The following PDE4D variants were observed in gnomAD, a reference collection of about 807,000 sequenced individuals.
PDE4D encodes the protein 3',5'-cyclic-AMP phosphodiesterase 4D.
Under a neutral mutation model 87.4 loss-of-function variants are expected in PDE4D, and 24 were observed. That is an observed-to-expected ratio of 0.27 (90% CI 0.20 to 0.39). The LOEUF (loss-of-function observed/expected upper bound fraction) is 0.39, where lower values mean the gene tolerates loss of function less well. PDE4D is among the 10% of genes least tolerant of loss of function. The probability of loss-of-function intolerance (pLI) is 1.00; values close to 1 mark genes in which losing one functional copy is unlikely to be tolerated. For missense variants in PDE4D, 714 were observed against 1,041.0 expected (o/e 0.69, Z 4.32); for synonymous variants, 384 against 383.2 (o/e 1.00, Z -0.02).
intron 1 of PDE4D, among the ~76,000 whole-genome samples, chr5:59,697,219 G>A (rs1236076959): frequency 6.6e-6 from 1 of 152,100 alleles, no homozygotes; most frequent in Non-Finnish European, 1.5e-5. Flanking sequence ...CTAAGTACTA[G>A]GCACTAGAGG....
intron 1 of PDE4D, among the ~76,000 whole-genome samples, chr5:59,464,378 G>A (rs1428263766): frequency 8.5e-5 from 13 of 152,246 alleles, no homozygotes; most frequent in Non-Finnish European, 1.3e-4. Flanking sequence ...AAGGCTGGAG[G>A]TGGGACATGC....
At chr5:59,951,625 C>T (rs977757662) in intron 3 of PDE4D, among the ~76,000 whole-genome samples, 1 of 152,148 alleles carries the variant, frequency 6.6e-6, no homozygotes, top group African/African-American at 2.4e-5. Flanking sequence ...CATTTAGGAA[C>T]CACCAAACGT....
chr5:59,164,700 T>G (rs1387137065), intron 5 of PDE4D, among the ~76,000 whole-genome samples: 1 of 152,164 alleles, frequency 6.6e-6, no homozygotes, highest in Admixed American at 6.6e-5. Flanking sequence ...GCGCCTATAC[T>G]TTGTTCTGAG....
chr5:59,225,749 T>C (rs1753636259), intron 1 of PDE4D, among the ~76,000 whole-genome samples: 1 of 152,032 alleles, frequency 6.6e-6, no homozygotes, highest in Admixed American at 6.6e-5. Context: ...ATATATCTGA[T>C]ATGGTATTAA....
chr5:59,197,741 G>C (rs1033226682), intron 2 of PDE4D, among the ~76,000 whole-genome samples: 2 of 152,186 alleles, frequency 1.3e-5, no homozygotes, highest in Non-Finnish European at 2.9e-5. Flanking sequence ...AAGATCAACA[G>C]AAGATTCACT....
chr5:59,135,930 C>T (rs1419206327), intron 5 of PDE4D, among the ~76,000 whole-genome samples: 5 of 151,444 alleles, frequency 3.3e-5, no homozygotes, highest in Admixed American at 6.6e-5. Flanking sequence ...GGTACTGCAC[C>T]GAATGCCAGG....
intron 1 of PDE4D, among the ~76,000 whole-genome samples, chr5:59,730,762 A>G (rs1280250429): frequency 2.0e-5 from 3 of 152,188 alleles, no homozygotes; most frequent in Admixed American, 2.0e-4. Flanking sequence ...GTCATGTGCC[A>G]TATAGACTTT....
intron 1 of PDE4D, among the ~76,000 whole-genome samples, chr5:59,691,272 T>C (rs1055759720): frequency 3.3e-5 from 5 of 152,162 alleles, no homozygotes; most frequent in African/African-American, 9.7e-5. Context: ...CATGCACATG[T>C]ATGTTTATTG....
chr5:60,097,221 G>A (rs755205830), intron 2 of PDE4D, among the ~76,000 whole-genome samples: 1 of 147,956 alleles, frequency 6.8e-6, no homozygotes, highest in Non-Finnish European at 1.5e-5. Flanking sequence ...TGAGTGCTTT[G>A]CATTGGCCGT....
At chr5:59,968,266 G>C (rs1161451705) in intron 3 of PDE4D, among the ~76,000 whole-genome samples, 1 of 145,936 alleles carries the variant, frequency 6.9e-6, no homozygotes, top group East Asian at 2.2e-4. Context: ...TTACAGGTGT[G>C]AGCCACTGCG....
At chr5:59,574,784 T>C (rs913842697) in intron 1 of PDE4D, among the ~76,000 whole-genome samples, 2 of 152,172 alleles carry the variant, frequency 1.3e-5, no homozygotes, top group African/African-American at 4.8e-5. Flanking sequence ...CATTCTCCAA[T>C]CCTCACCATC....
intron 2 of PDE4D, among the ~76,000 whole-genome samples, chr5:60,034,133 G>A (rs1271717187): frequency 1.3e-5 from 2 of 152,188 alleles, no homozygotes; most frequent in Non-Finnish European, 2.9e-5. Flanking sequence ...GGAAGGAAAA[G>A]CAGATATGTA....
intron 1 of PDE4D, among the ~76,000 whole-genome samples, chr5:60,207,199 G>T (rs1229389817): frequency 6.6e-6 from 1 of 152,190 alleles, no homozygotes; most frequent in Non-Finnish European, 1.5e-5. Flanking sequence ...GGCTAATAAG[G>T]AGGAAGGAAG....
At chr5:59,719,505 C>G (rs1247468291) in intron 1 of PDE4D, among the ~76,000 whole-genome samples, 2 of 152,014 alleles carry the variant, frequency 1.3e-5, no homozygotes, top group Non-Finnish European at 2.9e-5. Context: ...TTTAATAATG[C>G]CTGTGCTTTC....
chr5:60,235,646 A>C (rs575056586), intron 1 of PDE4D, among the ~76,000 whole-genome samples: 9 of 151,244 alleles, frequency 6.0e-5, no homozygotes, highest in Middle Eastern at 3.4e-3. Flanking sequence ...TCAGTTCACA[A>C]AAAAAAAATA....
At chr5:59,980,597 G>A (rs1287328034) in intron 3 of PDE4D, among the ~76,000 whole-genome samples, 1 of 152,106 alleles carries the variant, frequency 6.6e-6, no homozygotes, top group Non-Finnish European at 1.5e-5. Context: ...ACCTTCCCCT[G>A]GTACATGCTG....
At chr5:60,161,007 A>C (rs564745085) in intron 2 of PDE4D, among the ~76,000 whole-genome samples, 11 of 152,282 alleles carry the variant, frequency 7.2e-5, no homozygotes, top group Admixed American at 3.9e-4. Flanking sequence ...GGCACAAAAG[A>C]TTTTCTTAAT....
intron 3 of PDE4D, among the ~76,000 whole-genome samples, chr5:59,928,376 G>C (rs1187537969): frequency 6.7e-6 from 1 of 149,334 alleles, no homozygotes; most frequent in Non-Finnish European, 1.5e-5. Flanking sequence ...TCAGGAGTTT[G>C]AGACCAGCCT....
intron 1 of PDE4D, among the ~76,000 whole-genome samples, chr5:59,245,156 T>C (rs1581580799): frequency 1.3e-5 from 2 of 152,182 alleles, no homozygotes; most frequent in East Asian, 3.9e-4. Flanking sequence ...TTCCCAACGA[T>C]GGTAAATTTG....
Sources: allele counts gnomAD v4.1 joint callset (sites outside exome capture counted in the v4.1 genomes callset), GRCh38; gene constraint gnomAD v4.1.1; transcripts MANE v1.5; gene names NCBI Gene and HGNC (gene_info 2026-07-23, HGNC 2026-07-21).